THBS4: variants seen among roughly 807,000 people sequenced by gnomAD.
The protein encoded by THBS4 is thrombospondin 4, also known as thrombospondin-4.
Under a neutral mutation model 115.7 loss-of-function variants are expected in THBS4, and 90 were observed. The observed-to-expected ratio is 0.78, with a 90% CI of 0.66 to 0.93. THBS4 has a LOEUF of 0.93. Ranked by LOEUF, THBS4 falls within the 40% of genes least tolerant of loss-of-function variation. The pLI is 0.00. For synonymous variants in THBS4, 460 were observed against 479.3 expected (o/e 0.96, Z 0.53); for missense variants, 1,087 against 1,232.7 (o/e 0.88, Z 1.77).
Position 80,040,259 on chromosome 5 carries a change from G to A in THBS4, c.271G>A (p.Val91Met). 1 of 1,613,686 alleles carries A rather than the reference G, an allele frequency of 6.2e-7. No homozygotes were observed. The highest frequency in any genetic ancestry group is 8.5e-7 in the Non-Finnish European group (1 of 1,179,762). ...TDNSKYFEFT[V>M]MGRLNKAILR... ...CAACAGTAAATATTTTGAATTTACT[G>A]TGATGGGACGCTTAAACAAAGGTAA... is the stretch of plus-strand genomic sequence containing the variant. The change falls in exon 2 of 22, where the codon GTG becomes ATG. Residue 91 changes from valine to methionine, a missense_variant. Around this residue, in one of 3 missense-constraint regions of THBS4, gnomAD observed 979 missense variants for 1,103.7 expected, o/e 0.89. Coordinates refer to ENST00000350881, the MANE Select transcript of THBS4 (RefSeq NM_003248.6).
intron 2 of THBS4, chr5:80,053,228 A>G (rs1833309582): frequency 6.6e-6 from 1 of 152,106 alleles, no homozygotes; most frequent in Non-Finnish European, 1.5e-5. Flanking sequence ...TACTTAACAA[A>G]ATACTGGGAA....
intron 2 of THBS4, among the ~76,000 whole-genome samples, chr5:80,051,725 T>G (rs532570226): frequency 3.0e-4 from 46 of 152,200 alleles, no homozygotes; most frequent in Admixed American, 7.9e-4. Flanking sequence ...ATACAATCAT[T>G]TAATTATTCA....
At chr5:80,070,280 G>C in intron 10 of THBS4, 26 bp from the exon 11 acceptor site, 1 of 1,534,560 alleles carries the variant, frequency 6.5e-7, no homozygotes, top group Admixed American at 2.2e-5. Flanking sequence ...AGCTTCCCAG[G>C]CCTCTGATGG....
intron 2 of THBS4, among the ~76,000 whole-genome samples, chr5:80,054,396 C>T (rs1833357244): frequency 2.0e-5 from 3 of 149,776 alleles, no homozygotes; most frequent in Non-Finnish European, 4.4e-5. Context: ...TCTTGGCTCA[C>T]TGCAACCTCC....
chr5:80,040,069 C>A lies in THBS4; in HGVS notation c.89-8C>A. 2.5e-6 allele frequency: 4 copies of A among 1,613,842 alleles called. No homozygotes were observed. Among genetic ancestry groups the A allele is most frequent in the Non-Finnish European group, 3.4e-6 (4 of 1,179,804 alleles). On this transcript the variant is annotated splice_polypyrimidine_tract_variant and splice_region_variant and intron_variant, in intron 1 of 21. Coordinates refer to ENST00000350881, the MANE Select transcript of THBS4 (RefSeq NM_003248.6). ...TCACTTATACCCCTTCTTCTCCCTT[C>A]TTCCCAGTCTTTGACCTTCTCCCAT...
chr5:79,999,322 G>A (rs945396882), intron 2 of THBS4, among the ~76,000 whole-genome samples: 2 of 152,008 alleles, frequency 1.3e-5, no homozygotes, highest in Admixed American at 6.6e-5. Context: ...ATTATATCAA[G>A]CTTTATTTGT....
chr5:80,061,730 C>T lies in THBS4; in HGVS notation c.1023C>T (p.Cys341=). The change falls in exon 8 of 22, where the codon TGC becomes TGT. Residue 341 remains cysteine, a synonymous_variant. Transcript: ENST00000350881. Reference sequence around the variant, plus strand: ...ATCCCTGCTACCCGGGCGTGCACTGCATAAATTTGTCTCCTGGCTTCAGAT... The same window carrying T: ...ATCCCTGCTACCCGGGCGTGCACTGTATAAATTTGTCTCCTGGCTTCAGAT... ...KYHPCYPGVH[C]INLSPGFRCD... 6.2e-7 allele frequency: 1 copy of T among 1,614,130 alleles called. No individual in the cohort carries two copies. Among genetic ancestry groups the T allele is most frequent in the Non-Finnish European group, 8.5e-7 (1 of 1,180,032 alleles).
At chr5:80,017,661 T>C (rs1692355650) in intron 2 of THBS4, among the ~76,000 whole-genome samples, 1 of 152,180 alleles carries the variant, frequency 6.6e-6, no homozygotes, top group Non-Finnish European at 1.5e-5. Flanking sequence ...ATGGCCAGTG[T>C]TGAAGTGTAT....
intron 20 of THBS4, among the ~76,000 whole-genome samples, chr5:80,081,750 T>C (rs564377156): frequency 6.5e-4 from 99 of 152,350 alleles, no homozygotes; most frequent in African/African-American, 2.3e-3. Context: ...TAGGCCCTGA[T>C]AGTTGCTCTT....
intron 20 of THBS4, among the ~76,000 whole-genome samples, chr5:80,081,258 T>G (rs868618034): frequency 6.6e-6 from 1 of 152,214 alleles, no homozygotes; most frequent in Non-Finnish European, 1.5e-5. Flanking sequence ...ATGTACTCTT[T>G]TTGTCTCACA....
intron 17 of THBS4, 161 bp from the exon 18 acceptor site, chr5:80,078,760 A>T: frequency 1.7e-6 from 1 of 581,372 alleles, no homozygotes. Context: ...GCTTTCTTTG[A>T]GCACATAACA....
At position 80,078,084 on chromosome 5, in the gene THBS4, G is replaced by A. The variant is rs1181052573; in HGVS notation, c.2122G>A (p.Asp708Asn). 5 of 1,603,668 alleles carry A rather than the reference G, an allele frequency of 3.1e-6. No homozygotes were observed. Among genetic ancestry groups the A allele is most frequent in the Non-Finnish European group, 4.3e-6 (5 of 1,173,024 alleles). ...GVGDICESDF[D>N]QDQVIDRIDV... ...GGGAGACATCTGTGAGTCTGACTTT[G>A]ACCAGGACCAGGTCATCGATCGGAT... The change falls in exon 17 of 22, where the codon GAC becomes AAC. Residue 708 changes from aspartate (D) to asparagine (N), a missense_variant. Asp to Asn is a conservative substitution (Grantham distance 23). This residue lies in a region of THBS4 where 979 missense variants were observed against 1,103.7 expected (regional missense o/e 0.89). Transcript: ENST00000350881.
At chr5:80,025,617 A>T (rs896987607) in intron 2 of THBS4, among the ~76,000 whole-genome samples, 5 of 152,140 alleles carry the variant, frequency 3.3e-5, no homozygotes, top group Non-Finnish European at 7.4e-5. Flanking sequence ...AGGAATCATC[A>T]ATGGGGCTTG....
chr5:80,017,971 T>C (rs1580914216), intron 2 of THBS4, among the ~76,000 whole-genome samples: 3 of 152,298 alleles, frequency 2.0e-5, no homozygotes, highest in South Asian at 4.1e-4. Flanking sequence ...TGTGGTGATT[T>C]GTTATCTTTG....
At chr5:80,044,947 T>C (rs1260112410) in intron 2 of THBS4, among the ~76,000 whole-genome samples, 2 of 152,180 alleles carry the variant, frequency 1.3e-5, no homozygotes, top group African/African-American at 4.8e-5. Context: ...TTCCAGTTTG[T>C]ATCCTGAGTT....
intron 2 of THBS4, among the ~76,000 whole-genome samples, chr5:80,025,733 C>T (rs1278017527): frequency 1.3e-5 from 2 of 152,182 alleles, no homozygotes; most frequent in Non-Finnish European, 2.9e-5. Context: ...CCTTTGTCGC[C>T]TCTCACCTGT....
chr5:80,063,909 A>C (rs1214623039), intron 8 of THBS4, among the ~76,000 whole-genome samples: 1 of 152,378 alleles, frequency 6.6e-6, no homozygotes, highest in East Asian at 1.9e-4. Flanking sequence ...CAAAGCCAGA[A>C]CTGTGACTAG....
In THBS4 at chr5:80,083,187, A is replaced by G. The variant is rs766470257; in HGVS notation, c.*46A>G. The G allele has an allele frequency of 1.3e-5, 20 of 1,522,470 alleles. No individual in the cohort carries two copies. The highest frequency in any genetic ancestry group is 1.6e-5 in the Non-Finnish European group (18 of 1,097,258). 94.3% of individuals were successfully genotyped at this position (1,522,470 alleles called of 1,614,324 possible). On this transcript the variant is annotated 3_prime_UTR_variant, in exon 22 of 22. Transcript: ENST00000350881. ...CTGCTTTTCGGAACACTAAAACCATATATATTTTAACTTCAATTTTCTTTA... is the reference window on the plus strand; with the variant it reads ...CTGCTTTTCGGAACACTAAAACCATGTATATTTTAACTTCAATTTTCTTTA...
At chr5:80,059,655 A>G (rs756372314) in intron 6 of THBS4, 48 bp from the exon 7 acceptor site, 22 of 1,607,164 alleles carry the variant, frequency 1.4e-5, no homozygotes, top group Non-Finnish European at 1.7e-5. Flanking sequence ...TGCCTTCTGT[A>G]TATCTTCCTG....
Sources: gnomAD v4.1 joint callset for allele counts (sites outside exome capture counted in the v4.1 genomes callset) on GRCh38, gnomAD v4.1.1 for gene constraint, gnomAD v4.1.1 regional missense constraint, MANE v1.5 for transcripts, NCBI Gene and HGNC (gene_info 2026-07-23, HGNC 2026-07-21) for gene names.